Variants in SPAG1 observed in about 807,000 individuals in gnomAD.
The protein encoded by SPAG1 is sperm-associated antigen 1.
SPAG1 carries 69 observed loss-of-function variants against 100.5 expected under a neutral mutation model. The observed-to-expected ratio is 0.69, with a 90% CI of 0.57 to 0.84. The LOEUF is 0.84. Among genes scored for constraint, SPAG1 ranks in the 40% least tolerant of loss-of-function variants. The probability of loss-of-function intolerance (pLI) is 0.00; values close to 1 mark genes in which losing one functional copy is unlikely to be tolerated. For missense variants in SPAG1, 955 were observed against 1,133.1 expected (o/e 0.84, Z 2.26); for synonymous variants, 336 against 411.6 (o/e 0.82, Z 2.22).
intron 15 of SPAG1, among the ~76,000 whole-genome samples, chr8:100,231,933 G>A (rs1021239729): frequency 6.6e-6 from 1 of 151,058 alleles, no homozygotes. Flanking sequence ...CTGCAGTCTG[G>A]CCTGGGTGAA....
intron 10 of SPAG1, among the ~76,000 whole-genome samples, chr8:100,210,354 T>C (rs996090546): frequency 1.2e-4 from 18 of 152,318 alleles, no homozygotes; most frequent in African/African-American, 4.3e-4. Context: ...CTGGGATAAA[T>C]CCCACTTGGC....
intron 4 of SPAG1, 66 bp downstream of exon 4, chr8:100,178,007 A>T (rs1816205013): frequency 7.1e-7 from 1 of 1,401,938 alleles, no homozygotes; most frequent in Admixed American, 1.9e-5. Context: ...TTAAGGGGCA[A>T]TCTCAGTTTA....
At chr8:100,173,365 A>G (rs1389170088) in intron 3 of SPAG1, among the ~76,000 whole-genome samples, 1 of 151,576 alleles carries the variant, frequency 6.6e-6, no homozygotes, top group East Asian at 1.9e-4. Flanking sequence ...TTCCTCCTCT[A>G]TAAGTCTTCC....
intron 14 of SPAG1, 31 bp from the exon 15 acceptor site, chr8:100,231,125 A>T (rs1818748533): frequency 6.3e-7 from 1 of 1,582,082 alleles, no homozygotes; most frequent in African/African-American, 1.4e-5. Context: ...TTGTACAGAT[A>T]CTTCCTCTTC....
intron 10 of SPAG1, among the ~76,000 whole-genome samples, chr8:100,201,331 C>T (rs1216057040): frequency 6.6e-6 from 1 of 152,002 alleles, no homozygotes; most frequent in Non-Finnish European, 1.5e-5. Flanking sequence ...CACTTCGTTA[C>T]TCAGGGTGGT....
At chr8:100,177,433 T>A (rs888720790) in intron 3 of SPAG1, among the ~76,000 whole-genome samples, 3 of 152,148 alleles carry the variant, frequency 2.0e-5, no homozygotes, top group Non-Finnish European at 4.4e-5. Context: ...TTTTTTTTTT[T>A]ACATTTCTCT....
intron 13 of SPAG1, among the ~76,000 whole-genome samples, chr8:100,222,620 G>A (rs1325834333): frequency 2.0e-5 from 3 of 152,126 alleles, no homozygotes; most frequent in East Asian, 3.8e-4. Flanking sequence ...GGGAGACACC[G>A]GAAGTATCTG....
intron 14 of SPAG1, among the ~76,000 whole-genome samples, chr8:100,229,056 A>G (rs1299647222): frequency 2.6e-5 from 4 of 152,334 alleles, no homozygotes; most frequent in South Asian, 2.1e-4. Context: ...TAGGCTTTAC[A>G]TCTGCACATA....
At chr8:100,165,396 G>T in intron 2 of SPAG1, 1 of 470,786 alleles carries the variant, frequency 2.1e-6, no homozygotes. Context: ...TGCTGTGAAA[G>T]GTGTACTTTC....
intron 10 of SPAG1, among the ~76,000 whole-genome samples, chr8:100,196,437 T>C (rs572753695): frequency 7.2e-5 from 11 of 152,348 alleles, no homozygotes; most frequent in Admixed American, 7.2e-4. Context: ...TAGTGGTTTC[T>C]CATCAGTTTT....
At chr8:100,230,625 C>G (rs1381047464) in intron 14 of SPAG1, among the ~76,000 whole-genome samples, 2 of 152,052 alleles carry the variant, frequency 1.3e-5, no homozygotes, top group Non-Finnish European at 2.9e-5. Context: ...TTACTTGTAT[C>G]TTATTTTATT....
chr8:100,216,065 A>G (rs1586505391), intron 12 of SPAG1, among the ~76,000 whole-genome samples: 1 of 152,230 alleles, frequency 6.6e-6, no homozygotes, highest in African/African-American at 2.4e-5. Flanking sequence ...GAAATCTGCC[A>G]TGGTGGGATA....
At chr8:100,215,385 G>A (rs1817934340) in intron 12 of SPAG1, among the ~76,000 whole-genome samples, 1 of 152,136 alleles carries the variant, frequency 6.6e-6, no homozygotes, top group African/African-American at 2.4e-5. Flanking sequence ...AAGAAGTCAT[G>A]TCCTAGTTTG....
At chr8:100,178,180 A>AT (rs1224120030) in intron 4 of SPAG1, among the ~76,000 whole-genome samples, 1 of 151,774 alleles carries the variant, frequency 6.6e-6, no homozygotes, top group Non-Finnish European at 1.5e-5. Flanking sequence ...GGGCTTATTT[A>AT]CTGCCTTTAG....
intron 9 of SPAG1, among the ~76,000 whole-genome samples, chr8:100,192,573 A>G (rs1476344974): frequency 6.6e-6 from 1 of 152,186 alleles, no homozygotes; most frequent in Non-Finnish European, 1.5e-5. Context: ...AAACCCATGG[A>G]AAAATTGTTA....
chr8:100,201,358 C>G (rs1368789291), intron 10 of SPAG1, among the ~76,000 whole-genome samples: 2 of 152,072 alleles, frequency 1.3e-5, no homozygotes, highest in Non-Finnish European at 2.9e-5. Flanking sequence ...CCCCTGGGCT[C>G]AAGACATTCT....
intron 4 of SPAG1, among the ~76,000 whole-genome samples, chr8:100,181,974 G>A (rs1816386257): frequency 6.6e-6 from 1 of 152,114 alleles, no homozygotes; most frequent in Non-Finnish European, 1.5e-5. Flanking sequence ...AGCCTGTAAG[G>A]ACTGCATAGT....
intron 17 of SPAG1, 90 bp from the exon 18 acceptor site, chr8:100,240,313 G>C: frequency 6.9e-6 from 9 of 1,303,672 alleles, no homozygotes; most frequent in Non-Finnish European, 9.5e-6. Context: ...TCTACTTGTA[G>C]TTTTCAATTC....
At chr8:100,225,940 C>G (rs1818492027) in intron 14 of SPAG1, among the ~76,000 whole-genome samples, 2 of 151,978 alleles carry the variant, frequency 1.3e-5, no homozygotes, top group Admixed American at 1.3e-4. Context: ...TCAAGCAATA[C>G]TCCTGCCTCA....
Sources: allele counts gnomAD v4.1 joint callset (sites outside exome capture counted in the v4.1 genomes callset), GRCh38; gene constraint gnomAD v4.1.1; transcripts MANE v1.5; gene names NCBI Gene and HGNC (gene_info 2026-07-23, HGNC 2026-07-21).